Variants in NUP98 observed in about 807,000 individuals in gnomAD.
NUP98 encodes the protein nucleoporin 98 and 96 precursor, also known as nuclear pore complex protein Nup98-Nup96.
In NUP98, 26 loss-of-function variants were observed where a neutral mutation model predicts 191.9. The ratio of observed to expected loss-of-function variants is 0.14; its 90% CI spans 0.10 to 0.19. NUP98 has a LOEUF of 0.19. Among genes scored for constraint, NUP98 ranks in the 10% least tolerant of loss-of-function variants. NUP98 has a pLI of 1.00. For synonymous variants in NUP98, 808 were observed against 778.4 expected (o/e 1.04, Z -0.63); for missense variants, 1,941 against 2,178.8 (o/e 0.89, Z 2.17).
intron 26 of NUP98, among the ~76,000 whole-genome samples, chr11:3,693,853 A>G (rs1019082435): frequency 6.6e-6 from 1 of 152,218 alleles, no homozygotes. Flanking sequence ...AGATAATAAT[A>G]TAAGAGGTAG....
Position 3,676,051 on chromosome 11 carries a change from G to A in NUP98, c.*108C>T. 1 of 1,045,570 alleles carries A rather than the reference G, an allele frequency of 9.6e-7. No homozygotes were observed. The highest frequency in any genetic ancestry group is 1.4e-6 in the Non-Finnish European group (1 of 707,186). 64.8% of individuals were successfully genotyped at this position (1,045,570 alleles called of 1,614,324 possible). On this transcript the variant is annotated 3_prime_UTR_variant, in exon 33 of 33. Transcript: ENST00000324932. ...CTTCTGGCAGCAGGGAGGGAGGGTA[G>A]ATGCCACAGCCAACCCAGAGAATGG...
Position 3,771,846 on chromosome 11 carries a change from C to G in NUP98, c.686G>C (p.Gly229Ala). The change falls in exon 7 of 33, where the codon GGG becomes GCG. Residue 229 changes from glycine to alanine, a missense_variant. Gly to Ala is a moderately conservative substitution (Grantham distance 60). Transcript: ENST00000324932. Reference sequence around the variant, plus strand: ...TGCGCTGGAAGTGGCTGGAGAAGACCCAAACAAGCCAGTTGTGGTACCTGC... The same window carrying G: ...TGCGCTGGAAGTGGCTGGAGAAGACGCAAACAAGCCAGTTGTGGTACCTGC... ...VGAGTTTGLF[G>A]SSPATSSATG... The G allele has an allele frequency of 1.9e-6, 3 of 1,614,038 alleles. No homozygotes were observed. The highest frequency in any genetic ancestry group is 2.5e-6 in the Non-Finnish European group (3 of 1,180,022).
In NUP98 at chr11:3,691,394, T is replaced by C; in HGVS notation, c.4407A>G (p.Thr1469=). The C allele has an allele frequency of 1.2e-6, 2 of 1,614,188 alleles. No homozygotes were observed. The highest frequency in any genetic ancestry group is 1.7e-6 in the Non-Finnish European group (2 of 1,180,040). Residue 1469 remains threonine (T), a synonymous_variant, in exon 28 of 33, where the codon ACA becomes ACG. Coordinates refer to ENST00000324932, the MANE Select transcript of NUP98 (RefSeq NM_016320.5). ...CVIAEEQNSQ[T]PLRDVCFHLL... ...GGTGAAAGCAGACATCTCGAAGTGG[T>C]GTCTGTGAGTTTTGCTCCTCCGCTA... is the stretch of plus-strand genomic sequence containing the variant.
At chr11:3,753,832 G>A (rs1019653112) in intron 10 of NUP98, among the ~76,000 whole-genome samples, 21 of 144,464 alleles carry the variant, frequency 1.5e-4, no homozygotes, top group African/African-American at 5.1e-4. Context: ...CCAGCTACTC[G>A]GGAGGCTAAG....
At chr11:3,776,506 C>T (rs1259112967) in intron 4 of NUP98, among the ~76,000 whole-genome samples, 111 of 146,038 alleles carry the variant, frequency 7.6e-4, no homozygotes, top group African/African-American at 2.6e-3. Flanking sequence ...TTTTTTGAGA[C>T]GGAGTCTCGC....
chr11:3,748,104 T>C (rs1388521494), intron 11 of NUP98, among the ~76,000 whole-genome samples: 1 of 152,144 alleles, frequency 6.6e-6, no homozygotes, highest in Non-Finnish European at 1.5e-5. Context: ...GAGAGAACTG[T>C]TGAAGAAAAA....
At chr11:3,791,191 C>A (rs900604950) in intron 1 of NUP98, among the ~76,000 whole-genome samples, 2 of 151,946 alleles carry the variant, frequency 1.3e-5, no homozygotes, top group Non-Finnish European at 2.9e-5. Context: ...CACTGCGCCC[C>A]GCCCACCATT....
intron 12 of NUP98, among the ~76,000 whole-genome samples, chr11:3,735,846 T>C (rs1044800224): frequency 3.4e-5 from 5 of 149,088 alleles, no homozygotes; most frequent in East Asian, 3.9e-4. Flanking sequence ...TGTGTGTGTG[T>C]GTGCGTGCGT....
intron 13 of NUP98, among the ~76,000 whole-genome samples, chr11:3,734,683 A>C (rs2079978339): frequency 6.6e-6 from 1 of 152,212 alleles, no homozygotes; most frequent in Non-Finnish European, 1.5e-5. Context: ...CTATGTAAAA[A>C]TCAAGAGGTT....
intron 16 of NUP98, 69 bp downstream of exon 16, chr11:3,723,088 A>G (rs2079464339): frequency 4.8e-6 from 7 of 1,450,132 alleles, no homozygotes; most frequent in South Asian, 1.2e-5. Context: ...CATATGTTGA[A>G]TATCTGCAAC....
intron 20 of NUP98, among the ~76,000 whole-genome samples, chr11:3,709,310 A>G (rs946884530): frequency 1.3e-5 from 2 of 152,184 alleles, no homozygotes; most frequent in African/African-American, 2.4e-5. Context: ...TGGGAGGCTG[A>G]GGCGGATCAC....
In NUP98 at chr11:3,790,310, C is replaced by G. The variant is rs958860542; in HGVS notation, c.-29+7090G>C. On this transcript the variant is annotated intron_variant, in intron 1 of 32. Coordinates refer to ENST00000324932, the MANE Select transcript of NUP98 (RefSeq NM_016320.5). The stretch of plus-strand genomic sequence containing the variant: ...ACCCGACATATAAAACAGACATAAG[C>G]AGAAGCTGCTCTGGCTGAAGTGAAG... Among the ~76,000 whole-genome samples, 6 of 152,118 alleles carry G rather than the reference C, an allele frequency of 3.9e-5. No individual in the cohort carries two copies. The South Asian group carries it at 1.2e-3, about 32-fold the overall frequency.
chr11:3,781,763 G>A (rs1293901108), intron 2 of NUP98, among the ~76,000 whole-genome samples: 2 of 151,924 alleles, frequency 1.3e-5, no homozygotes, highest in Non-Finnish European at 2.9e-5. Context: ...TTTCTGGTCT[G>A]AAAATTAGTA....
chr11:3,760,742 C>A, intron 9 of NUP98, 116 bp from the exon 10 acceptor site: 1 of 686,796 alleles, frequency 1.5e-6, no homozygotes, highest in South Asian at 2.2e-5. Flanking sequence ...GATGTCCTAA[C>A]ATTCATAAAA....
intron 28 of NUP98, among the ~76,000 whole-genome samples, chr11:3,687,622 C>G (rs1363889632): frequency 6.6e-6 from 1 of 152,038 alleles, no homozygotes; most frequent in Non-Finnish European, 1.5e-5. Flanking sequence ...TTGCTAAACT[C>G]TAGGTACACC....
intron 28 of NUP98, among the ~76,000 whole-genome samples, chr11:3,688,689 G>A (rs1453797590): frequency 6.6e-6 from 1 of 150,426 alleles, no homozygotes; most frequent in Non-Finnish European, 1.5e-5. Flanking sequence ...CAGCTACTCA[G>A]GAGGCTGAGG....
chr11:3,683,318 G>A lies in NUP98; in HGVS notation c.4800C>T (p.His1600=), dbSNP rs1231106398. 3.1e-6 allele frequency: 5 copies of A among 1,614,124 alleles called. No homozygotes were observed. The highest frequency in any genetic ancestry group is 4.2e-6 in the Non-Finnish European group (5 of 1,180,038). Residue 1600 remains histidine (H), a synonymous_variant, in exon 30 of 33, where the codon CAC becomes CAT. Coordinates refer to ENST00000324932, the MANE Select transcript of NUP98 (RefSeq NM_016320.5). ...QKLRVPAKWI[H]EAKAVRAHME... The stretch of plus-strand genomic sequence containing the variant: ...TGTGTGCTCGCACAGCTTTGGCCTC[G>A]TGGATCCATTTGGCAGGTACACGGA...
At position 3,705,196 on chromosome 11, in the gene NUP98, G is replaced by T. The variant is rs2078823016; in HGVS notation, c.3082+4C>A. The T allele has an allele frequency of 1.9e-6, 3 of 1,613,854 alleles. No individual in the cohort carries two copies. The highest frequency in any genetic ancestry group is 1.3e-5 in the African/African-American group (1 of 75,050). On this transcript the variant is annotated splice_donor_region_variant and intron_variant, in intron 22 of 32. Coordinates refer to ENST00000324932, the MANE Select transcript of NUP98 (RefSeq NM_016320.5). Reference sequence around the variant, plus strand: ...CTTGTAAAATAGCATCTTTTATACTGTACCTAGTGAACGAGTTTTCGACGA... The same window carrying T: ...CTTGTAAAATAGCATCTTTTATACTTTACCTAGTGAACGAGTTTTCGACGA...
At chr11:3,704,763 T>C (rs1302835319) in intron 22 of NUP98, among the ~76,000 whole-genome samples, 3 of 152,324 alleles carry the variant, frequency 2.0e-5, no homozygotes, top group African/African-American at 7.2e-5. Flanking sequence ...CTCAGCACTT[T>C]GGGAAGCTGA....
Sources: gnomAD v4.1 joint callset for allele counts (sites outside exome capture counted in the v4.1 genomes callset) on GRCh38, gnomAD v4.1.1 for gene constraint, MANE v1.5 for transcripts, NCBI Gene and HGNC (gene_info 2026-07-23, HGNC 2026-07-21) for gene names.